HAUS1: variants seen among roughly 807,000 people sequenced by gnomAD.
HAUS1 encodes the protein HAUS augmin-like complex subunit 1.
HAUS1 carries 25 observed loss-of-function variants against 38.6 expected under a neutral mutation model. The observed-to-expected ratio is 0.65, with a 90% CI of 0.47 to 0.91. The LOEUF (loss-of-function observed/expected upper bound fraction) is 0.91. Ranked by LOEUF, HAUS1 falls within the 40% of genes least tolerant of loss-of-function variation. The pLI, the probability that HAUS1 is intolerant of heterozygous loss-of-function variation, is 0.00. For missense variants in HAUS1, 325 were observed against 328.4 expected (o/e 0.99, Z 0.08); for synonymous variants, 109 against 112.9 (o/e 0.97, Z 0.22).
At chr18:46,104,486 T>G in intron 1 of HAUS1, 45 bp downstream of exon 1, 1 of 1,429,576 alleles carries the variant, frequency 7.0e-7, no homozygotes, top group Non-Finnish European at 9.3e-7. Flanking sequence ...GGAAAACGCG[T>G]TTTTGACACC....
intron 5 of HAUS1, chr18:46,123,077 G>A (rs752549162): frequency 2.2e-6 from 1 of 451,464 alleles, no homozygotes; most frequent in Non-Finnish European, 4.0e-6. Context: ...CGGGCGTGGT[G>A]GTGGGCGCCT....
Position 46,122,539 on chromosome 18 carries a change from C to G in HAUS1, c.549C>G (p.Asp183Glu). 1.9e-6 allele frequency: 3 copies of G among 1,614,120 alleles called. No homozygotes were observed. The highest frequency in any genetic ancestry group is 2.5e-6 in the Non-Finnish European group (3 of 1,179,992). The change falls in exon 5 of 9, where the codon GAC (aspartate) becomes GAG (glutamate). Residue 183 changes from aspartate (D) to glutamate (E), a missense_variant. Asp to Glu is a conservative substitution (Grantham distance 45, BLOSUM62 2). Transcript: ENST00000282058. ...AKVDNRRQNM[D>E]FLKAKSEEFR... is the part of the protein sequence containing the mutation. ...TTGATAATCGTCGTCAGAACATGGA[C>G]TTTCTAAAAGCAAAGTCAGAGGAAT...
intron 2 of HAUS1, 57 bp from the exon 3 acceptor site, chr18:46,118,124 C>T: frequency 6.4e-7 from 1 of 1,551,770 alleles, no homozygotes. Flanking sequence ...CTTGATAAAG[C>T]TGTTAAAAAT....
chr18:46,122,176 T>A (rs1049686628), intron 4 of HAUS1, among the ~76,000 whole-genome samples: 2 of 152,052 alleles, frequency 1.3e-5, no homozygotes, highest in Non-Finnish European at 2.9e-5. Context: ...CCAGGCATAG[T>A]GGCATGTGTC....
At chr18:46,114,808 G>A (rs1267750944) in intron 2 of HAUS1, among the ~76,000 whole-genome samples, 1 of 152,160 alleles carries the variant, frequency 6.6e-6, no homozygotes, top group Non-Finnish European at 1.5e-5. Flanking sequence ...GGAGGGAGGA[G>A]TCTTGGTTCA....
chr18:46,121,164 ATTTT>A (rs1911928513), intron 4 of HAUS1, among the ~76,000 whole-genome samples: 1 of 152,012 alleles, frequency 6.6e-6, no homozygotes, highest in Non-Finnish European at 1.5e-5. Flanking sequence ...TGTCACGTTT[ATTTT>A]TATTTATTTA....
chr18:46,111,143 C>T (rs1183879175), intron 2 of HAUS1, among the ~76,000 whole-genome samples: 1 of 152,132 alleles, frequency 6.6e-6, no homozygotes, highest in Non-Finnish European at 1.5e-5. Context: ...GCTGGGATTA[C>T]AGGCATAAGC....
intron 5 of HAUS1, among the ~76,000 whole-genome samples, chr18:46,122,839 C>A (rs1444891166): frequency 1.3e-5 from 2 of 152,194 alleles, no homozygotes; most frequent in Non-Finnish European, 2.9e-5. Flanking sequence ...AAAGGATTCA[C>A]ATGTAACGTA....
At chr18:46,121,658 A>G (rs1911946345) in intron 4 of HAUS1, 1 of 152,094 alleles carries the variant, frequency 6.6e-6, no homozygotes, top group Non-Finnish European at 1.5e-5. Flanking sequence ...TTCCTTGAGT[A>G]GAGGCCACTC....
chr18:46,118,349 CAT>C, intron 3 of HAUS1, 33 bp downstream of exon 3: 1 of 1,605,480 alleles, frequency 6.2e-7, no homozygotes, highest in Non-Finnish European at 8.5e-7. Context: ...TTTCCGCAAT[CAT>C]ATCTGCTATA....
intron 7 of HAUS1, 68 bp from the exon 8 acceptor site, chr18:46,125,676 G>A (rs372279005): frequency 9.5e-5 from 100 of 1,057,302 alleles, no homozygotes; most frequent in Non-Finnish European, 1.4e-4. Flanking sequence ...AAGGATTATG[G>A]CATTATTTTT....
chr18:46,127,167 T>C (rs1424891319), intron 8 of HAUS1, among the ~76,000 whole-genome samples: 1 of 151,410 alleles, frequency 6.6e-6, no homozygotes, highest in East Asian at 2.0e-4. Context: ...AGACGGGGTT[T>C]CACCATGTTG....
At chr18:46,105,129 C>G in intron 1 of HAUS1, 65 bp from the exon 2 acceptor site, 1 of 1,232,746 alleles carries the variant, frequency 8.1e-7, no homozygotes. Flanking sequence ...ACTTCTTTGT[C>G]ATATTCTCAT....
chr18:46,114,947 T>C (rs1192478004), intron 2 of HAUS1: 1 of 152,226 alleles, frequency 6.6e-6, no homozygotes, highest in Non-Finnish European at 1.5e-5. Context: ...TTTCTTTCTT[T>C]CTTCTGATTT....
chr18:46,120,724 T>A (rs928041395), intron 4 of HAUS1, among the ~76,000 whole-genome samples: 4 of 151,856 alleles, frequency 2.6e-5, no homozygotes, highest in African/African-American at 9.7e-5. Flanking sequence ...TAGCTGGGAC[T>A]ACAGGTGTGC....
intron 4 of HAUS1, among the ~76,000 whole-genome samples, chr18:46,122,081 A>G (rs1053419404): frequency 5.3e-5 from 8 of 152,158 alleles, no homozygotes; most frequent in Non-Finnish European, 8.8e-5. Flanking sequence ...ACCTCAGGTG[A>G]TCTGCCCACC....
intron 2 of HAUS1, among the ~76,000 whole-genome samples, chr18:46,107,025 A>AAATT (rs1011011976): frequency 2.0e-5 from 3 of 152,160 alleles, no homozygotes; most frequent in South Asian, 2.1e-4. Context: ...CAACAAAAAA[A>AAATT]AATTAATTAA....
At chr18:46,125,687 C>T in intron 7 of HAUS1, 57 bp from the exon 8 acceptor site, 2 of 1,197,884 alleles carry the variant, frequency 1.7e-6, no homozygotes, top group Non-Finnish European at 2.4e-6. Flanking sequence ...CATTATTTTT[C>T]TCCTTGGGTC....
intron 2 of HAUS1, among the ~76,000 whole-genome samples, chr18:46,111,561 A>G (rs370550847): frequency 6.6e-6 from 1 of 152,092 alleles, no homozygotes; most frequent in East Asian, 1.9e-4. Context: ...GCCTCAAGGG[A>G]TCCTCCCACC....
Sources: gnomAD v4.1 joint callset for allele counts (sites outside exome capture counted in the v4.1 genomes callset) on GRCh38, gnomAD v4.1.1 for gene constraint, MANE v1.5 for transcripts, NCBI Gene and HGNC (gene_info 2026-07-23, HGNC 2026-07-21) for gene names.